Variants in CFAP69 observed in about 807,000 individuals in gnomAD.
CFAP69 encodes the protein cilia and flagella associated protein 69.
A neutral mutation model predicts 123.0 loss-of-function variants in CFAP69; 92 were observed. That is an observed-to-expected ratio of 0.75 (90% CI 0.63 to 0.89). The LOEUF (loss-of-function observed/expected upper bound fraction) is 0.89, where lower values mean the gene tolerates loss of function less well. CFAP69 is among the 40% of genes least tolerant of loss of function. The pLI is 0.00. For synonymous variants in CFAP69, 380 were observed against 364.3 expected (o/e 1.04, Z -0.49); for missense variants, 1,067 against 1,096.9 (o/e 0.97, Z 0.39).
chr7:90,251,144 G>C (rs1175972801), intron 1 of CFAP69, among the ~76,000 whole-genome samples: 1 of 151,946 alleles, frequency 6.6e-6, no homozygotes, highest in Non-Finnish European at 1.5e-5. Context: ...ATAAATGAAG[G>C]CTACCACAAT....
intron 15 of CFAP69, among the ~76,000 whole-genome samples, chr7:90,292,888 A>T (rs1014732290): frequency 6.6e-6 from 1 of 152,130 alleles, no homozygotes; most frequent in Non-Finnish European, 1.5e-5. Flanking sequence ...GTTATCAGAA[A>T]CCTGCATTTA....
In CFAP69 at chr7:90,261,988, G is replaced by A. The variant is rs779185039; in HGVS notation, c.288G>A (p.Leu96=). The change falls in exon 4 of 23, where the codon CTG becomes CTA. Residue 96 remains leucine (L), a synonymous_variant. Transcript: ENST00000389297. ...CACAGATATTTAAAATTCTGAATCT[G>A]TGTTCAGGAAAAATAAAAAACCAGC... ...DLAQIFKILN[L]CSGKIKNQPR... The A allele has an allele frequency of 3.1e-6, 5 of 1,600,104 alleles. No individual in the cohort carries two copies. In the Admixed American group the frequency reaches 8.7e-5, roughly 28 times the overall value.
chr7:90,319,899 T>G, the CFAP69 span: 1 of 396,444 alleles, frequency 2.5e-6, no homozygotes, highest in South Asian at 1.4e-4. Context: ...AATTACTGAT[T>G]ATCACATCTT....
chr7:90,293,192 G>A (rs567085560), intron 15 of CFAP69, among the ~76,000 whole-genome samples: 1 of 152,248 alleles, frequency 6.6e-6, no homozygotes, highest in East Asian at 1.9e-4. Flanking sequence ...ATTTGACAAT[G>A]CTTCCTGTAT....
At chr7:90,269,281 T>C in intron 6 of CFAP69, among the ~76,000 whole-genome samples, 1 of 152,022 alleles carries the variant, frequency 6.6e-6, no homozygotes, top group East Asian at 1.9e-4. Context: ...GGACCAGAAA[T>C]ACAGGTTTGG....
intron 1 of CFAP69, among the ~76,000 whole-genome samples, chr7:90,250,804 A>C (rs1796925562): frequency 6.6e-6 from 1 of 152,060 alleles, no homozygotes; most frequent in South Asian, 2.1e-4. Flanking sequence ...TCTCATCTCC[A>C]ACCCCCAACA....
chr7:90,253,612 G>A lies in CFAP69; in HGVS notation c.121-1811G>A, dbSNP rs925993417. Among the ~76,000 whole-genome samples, 6 of 152,218 alleles carry A rather than the reference G, an allele frequency of 3.9e-5. No homozygotes were observed. In the South Asian group the frequency reaches 1.0e-3, roughly 26 times the overall value. On this transcript the variant is annotated intron_variant, in intron 1 of 22. Transcript: ENST00000389297. ...TCATCATGTTTGCTAGGCTGGTCTC[G>A]AACTCCTAACCTCAGATGATCCACC...
chr7:90,254,504 C>T (rs1456147484), intron 1 of CFAP69, among the ~76,000 whole-genome samples: 1 of 152,082 alleles, frequency 6.6e-6, no homozygotes, highest in Non-Finnish European at 1.5e-5. Flanking sequence ...AATTTTTGCT[C>T]TTGAGAGAAC....
intron 4 of CFAP69, among the ~76,000 whole-genome samples, chr7:90,263,698 A>G (rs1240083348): frequency 6.6e-6 from 1 of 152,126 alleles, no homozygotes; most frequent in Non-Finnish European, 1.5e-5. Context: ...TGCTCTTCAG[A>G]TATCTTTAAA....
Position 90,258,174 on chromosome 7 carries a change from C to A in CFAP69, c.246+11C>A. On this transcript the variant is annotated intron_variant, in intron 3 of 22. Transcript: ENST00000389297. ...TATCAGAATGGACTTGTATCCTTTA[C>A]ATATATATGTATGTTCATTTCATTT... is the stretch of plus-strand genomic sequence containing the variant. 1 of 1,535,088 alleles carries A rather than the reference C, an allele frequency of 6.5e-7. No individual in the cohort carries two copies. The highest frequency in any genetic ancestry group is 1.8e-5 in the Admixed American group (1 of 55,030).
chr7:90,321,012 A>G, the CFAP69 span: 1 of 152,322 alleles, frequency 6.6e-6, no homozygotes, highest in African/African-American at 2.4e-5. Flanking sequence ...TGGGTGCGCT[A>G]CGCTCGTTGG....
At chr7:90,254,511 G>A (rs1239877596) in intron 1 of CFAP69, among the ~76,000 whole-genome samples, 9 of 152,156 alleles carry the variant, frequency 5.9e-5, no homozygotes, top group Admixed American at 2.0e-4. Flanking sequence ...GCTCTTGAGA[G>A]AACTTTGGGG....
chr7:90,245,589 T>G, intron 1 of CFAP69, 45 bp downstream of exon 1: 2 of 1,418,330 alleles, frequency 1.4e-6, no homozygotes. Flanking sequence ...GGGGTGGGAG[T>G]GAAGTCTCGA....
intron 1 of CFAP69, among the ~76,000 whole-genome samples, chr7:90,249,696 T>G (rs1796737707): frequency 6.6e-6 from 1 of 152,186 alleles, no homozygotes; most frequent in South Asian, 2.1e-4. Flanking sequence ...TTTAGAGCAG[T>G]GCTTCTCAAA....
chr7:90,270,301 G>A (rs895671137), intron 6 of CFAP69: 1 of 152,106 alleles, frequency 6.6e-6, no homozygotes, highest in Non-Finnish European at 1.5e-5. Flanking sequence ...CCATATGATA[G>A]ACTATTATGC....
intron 6 of CFAP69, among the ~76,000 whole-genome samples, chr7:90,269,429 A>T (rs1799640962): frequency 6.6e-6 from 1 of 152,156 alleles, no homozygotes; most frequent in African/African-American, 2.4e-5. Context: ...GATTCAAAGA[A>T]ATTGGCAGTG....
intron 3 of CFAP69, among the ~76,000 whole-genome samples, 178 bp from the exon 4 acceptor site, chr7:90,261,769 T>TA (rs1798360647): frequency 6.6e-6 from 1 of 152,174 alleles, no homozygotes. Context: ...ATGGTTTTTT[T>TA]AAAAATATGG....
chr7:90,280,464 G>C (rs1789309387), intron 12 of CFAP69, among the ~76,000 whole-genome samples: 2 of 152,214 alleles, frequency 1.3e-5, no homozygotes, highest in East Asian at 3.8e-4. Context: ...TCACAGTGTT[G>C]CGATTACAGG....
intron 17 of CFAP69, chr7:90,302,811 G>A (rs1793013292): frequency 6.6e-6 from 1 of 152,108 alleles, no homozygotes; most frequent in African/African-American, 2.4e-5. Flanking sequence ...GCTCTTTCTG[G>A]TTCCATATGA....
Sources: allele counts gnomAD v4.1 joint callset (sites outside exome capture counted in the v4.1 genomes callset), GRCh38; gene constraint gnomAD v4.1.1; transcripts MANE v1.5; gene names NCBI Gene and HGNC (gene_info 2026-07-23, HGNC 2026-07-21).